OLFML2B: variants seen among roughly 807,000 people sequenced by gnomAD.
The protein encoded by OLFML2B is olfactomedin like 2B, also known as olfactomedin-like protein 2B.
Under a neutral mutation model 74.9 loss-of-function variants are expected in OLFML2B, and 57 were observed. The ratio of observed to expected loss-of-function variants is 0.76; its 90% CI spans 0.61 to 0.95. The LOEUF (loss-of-function observed/expected upper bound fraction) is 0.95, where lower values mean the gene tolerates loss of function less well. Ranked by LOEUF, OLFML2B falls within the 40% of genes least tolerant of loss-of-function variation. OLFML2B has a pLI of 0.00. For missense variants in OLFML2B, 986 were observed against 970.6 expected (o/e 1.02, Z -0.21); for synonymous variants, 388 against 405.8 (o/e 0.96, Z 0.53).
Position 162,000,245 on chromosome 1 carries a change from C to T in OLFML2B, c.817G>A (p.Val273Met). Residue 273 changes from valine (V) to methionine (M), a missense_variant, in exon 5 of 8, where the codon GTG becomes ATG. Transcript: ENST00000294794. ...QTRPLALPEV[V>M]KSQRPLQRQV... ...CTCTGCAGGGGCCGCTGTGACTTCA[C>T]CACCTCAGGCAGAGCCAGGGGTCGC... 6.2e-7 allele frequency: 1 copy of T among 1,613,870 alleles called. No individual in the cohort carries two copies. Among genetic ancestry groups the T allele is most frequent in the Non-Finnish European group, 8.5e-7 (1 of 1,180,040 alleles).
In OLFML2B at chr1:162,006,472, T is replaced by C. The variant is rs770259425; in HGVS notation, c.548A>G (p.Glu183Gly). Reference protein sequence around the residue: ...LVGRVDKLEEEVSKNLTKENE... With the variant: ...LVGRVDKLEEGVSKNLTKENE... ...TTCCTTGGTGAGGTTTTTAGACACT[T>C]CCTGAGAAGGAAAAAAAAAAGATGA... is the stretch of plus-strand genomic sequence containing the variant. The change falls in exon 4 of 8, where the codon GAA becomes GGA. Residue 183 changes from glutamate (E) to glycine (G), a missense_variant and splice_region_variant. Physicochemically the swap from Glu to Gly is moderately conservative, Grantham distance 98. Transcript: ENST00000294794. 4.1e-6 allele frequency: 6 copies of C among 1,471,566 alleles called. No individual in the cohort carries two copies. The South Asian group carries it at 6.3e-5, about 15-fold the overall frequency. 91.2% of individuals were successfully genotyped at this position (1,471,566 alleles called of 1,614,324 possible). A position where few individuals can be genotyped will look rare whatever the true frequency, so the allele number is the denominator to read the frequency against.
At chr1:161,991,093 C>T (rs139621946) in intron 6 of OLFML2B, among the ~76,000 whole-genome samples, 39 of 152,288 alleles carry the variant, frequency 2.6e-4, no homozygotes, top group African/African-American at 9.1e-4. Flanking sequence ...GACTTGAACC[C>T]CTCAAGGTTA....
At chr1:162,015,680 A>C (rs1042909958) in intron 3 of OLFML2B, among the ~76,000 whole-genome samples, 5 of 152,208 alleles carry the variant, frequency 3.3e-5, no homozygotes, top group Admixed American at 3.3e-4. Flanking sequence ...AGTGGTTTTA[A>C]CTAGGAGGAA....
At chr1:162,022,051 T>C (rs1312346153) in intron 1 of OLFML2B, among the ~76,000 whole-genome samples, 1 of 151,920 alleles carries the variant, frequency 6.6e-6, no homozygotes, top group Non-Finnish European at 1.5e-5. Context: ...TTGGTGGAGG[T>C]GAAGGTACAG....
rs1428765980 is a variant in OLFML2B, at chr1:161,983,876, A to G, written c.2052T>C (p.Tyr684=). Residue 684 remains tyrosine (Y), a synonymous_variant, in exon 8 of 8, where the codon TAT becomes TAC. Coordinates refer to ENST00000294794, the MANE Select transcript of OLFML2B (RefSeq NM_015441.3). ...TCCGCTGGTTGTAGCTATCCACGGCATACAGCACCCCACAGATGACGAAGC... is the reference window on the plus strand; with the variant it reads ...TCCGCTGGTTGTAGCTATCCACGGCGTACAGCACCCCACAGATGACGAAGC... The part of the protein sequence containing the change: ...GNCFVICGVL[Y]AVDSYNQRNA... The G allele has an allele frequency of 6.2e-7, 1 of 1,614,116 alleles. No individual in the cohort carries two copies. Among genetic ancestry groups the G allele is most frequent in the Non-Finnish European group, 8.5e-7 (1 of 1,180,054 alleles).
In OLFML2B at chr1:161,983,665, G is replaced by C. The variant is rs780295116; in HGVS notation, c.*10C>G. The C allele has an allele frequency of 1.1e-5, 17 of 1,595,382 alleles. No individual in the cohort carries two copies. In the Admixed American group the frequency reaches 2.9e-4, roughly 27 times the overall value. On this transcript the variant is annotated 3_prime_UTR_variant, in exon 8 of 8. Transcript: ENST00000294794. Reference sequence around the variant, plus strand: ...ACCCCTCTGTGCTTCTGCTTGTGGGGACAAGGGTGTCAGTAGGCAAAGATG... The same window carrying C: ...ACCCCTCTGTGCTTCTGCTTGTGGGCACAAGGGTGTCAGTAGGCAAAGATG...
chr1:161,998,475 A>T, intron 5 of OLFML2B, 126 bp from the exon 6 acceptor site: 4 of 1,049,388 alleles, frequency 3.8e-6, no homozygotes, highest in Non-Finnish European at 5.5e-6. Context: ...TGAGTTACAG[A>T]GGGGGCCTGG....
chr1:162,015,696 C>T (rs1001433121), intron 3 of OLFML2B, among the ~76,000 whole-genome samples: 2 of 152,128 alleles, frequency 1.3e-5, no homozygotes, highest in African/African-American at 4.8e-5. Flanking sequence ...AGGAAGAGTC[C>T]GAAGCCTGCA....
rs183468312 is a variant in OLFML2B, at chr1:162,005,266, A to G, written c.723+1031T>C. ...TTTTTAAGCAAGGAGGTCTTTTGGT[A>G]TCACTCAAATCACATTAGGCAGCAA... is the stretch of plus-strand genomic sequence containing the variant. On this transcript the variant is annotated intron_variant, in intron 4 of 7. Coordinates refer to ENST00000294794, the MANE Select transcript of OLFML2B (RefSeq NM_015441.3). 3.9e-5 allele frequency among the ~76,000 whole-genome samples: 6 copies of G among 152,356 alleles called. No homozygotes were observed. The East Asian group carries it at 9.6e-4, about 25-fold the overall frequency.
intron 2 of OLFML2B, among the ~76,000 whole-genome samples, chr1:162,019,453 C>T (rs957785126): frequency 3.3e-5 from 5 of 152,180 alleles, no homozygotes; most frequent in African/African-American, 1.2e-4. Context: ...AGCTTCCCTA[C>T]CCTAAGGACC....
At chr1:161,995,810 G>A (rs1032734509) in intron 6 of OLFML2B, among the ~76,000 whole-genome samples, 7 of 152,170 alleles carry the variant, frequency 4.6e-5, no homozygotes, top group African/African-American at 1.4e-4. Flanking sequence ...AATATTTGGA[G>A]GGATGTTCCC....
intron 6 of OLFML2B, among the ~76,000 whole-genome samples, chr1:161,989,490 A>G (rs1689676349): frequency 6.6e-6 from 1 of 152,140 alleles, no homozygotes; most frequent in East Asian, 1.9e-4. Context: ...CCAGCTTGAG[A>G]TCTCTTGCCC....
intron 3 of OLFML2B, among the ~76,000 whole-genome samples, chr1:162,011,878 T>C (rs944534994): frequency 6.6e-6 from 1 of 152,202 alleles, no homozygotes; most frequent in African/African-American, 2.4e-5. Flanking sequence ...AAACTGTTCC[T>C]AGGCCGACGG....
intron 1 of OLFML2B, 66 bp from the exon 2 acceptor site, chr1:162,020,248 C>G: frequency 6.3e-7 from 1 of 1,576,216 alleles, no homozygotes; most frequent in Non-Finnish European, 8.6e-7. Context: ...CAGAAGGAGG[C>G]TCTCCATTTA....
intron 6 of OLFML2B, among the ~76,000 whole-genome samples, chr1:161,994,708 C>T (rs1279040535): frequency 1.3e-5 from 2 of 152,148 alleles, no homozygotes; most frequent in Non-Finnish European, 2.9e-5. Context: ...AATATTTTTC[C>T]TCTCCCTGTC....
At position 161,984,018 on chromosome 1, in the gene OLFML2B, T is replaced by C. The variant is rs569796342; in HGVS notation, c.1910A>G (p.Asp637Gly). The stretch of plus-strand genomic sequence containing the variant: ...GACCTCCTGGCTGAAGCCCTCATCG[T>C]CCAGGGCCGGGTAGATGAGCCATAG... ...NGLWLIYPAL[D>G]DEGFSQEVIV... Residue 637 changes from aspartate to glycine, a missense_variant, in exon 8 of 8, where the codon GAC becomes GGC. Transcript: ENST00000294794. The C allele has an allele frequency of 1.2e-5, 20 of 1,614,188 alleles. No individual in the cohort carries two copies. Among genetic ancestry groups the C allele is most frequent in the East Asian group, 1.1e-4 (5 of 44,880 alleles).
At chr1:161,996,634 G>A (rs983981538) in intron 6 of OLFML2B, among the ~76,000 whole-genome samples, 4 of 152,208 alleles carry the variant, frequency 2.6e-5, no homozygotes, top group Admixed American at 2.6e-4. Context: ...CATGATCAGT[G>A]GTGATTTAAT....
In OLFML2B at chr1:161,998,203, C is replaced by G. The variant is rs550282369; in HGVS notation, c.1096G>C (p.Ala366Pro). 11 of 1,613,858 alleles carry G rather than the reference C, an allele frequency of 6.8e-6. No homozygotes were observed. The highest frequency in any genetic ancestry group is 9.3e-6 in the Non-Finnish European group (11 of 1,180,000). Reference sequence around the variant, plus strand: ...GCTGAGGACCAGGGTGCGGTCCGAGCGTTCAGGTCGCTTGTCACAGCAGTG... The same window carrying G: ...GCTGAGGACCAGGGTGCGGTCCGAGGGTTCAGGTCGCTTGTCACAGCAGTG... ...HSTAVTSDLNARTAPWSSALP... is the reference protein window; with the variant it reads ...HSTAVTSDLNPRTAPWSSALP... The change falls in exon 6 of 8, where the codon GCT becomes CCT. Residue 366 changes from alanine to proline, a missense_variant. Physicochemically the swap from Ala to Pro is conservative, Grantham distance 27. Transcript: ENST00000294794.
At position 162,023,711 on chromosome 1, in the gene OLFML2B, C is replaced by A. The variant is rs1690808924; in HGVS notation, c.-281G>T. 1 of 244,956 alleles carries A rather than the reference C, an allele frequency of 4.1e-6. No individual in the cohort carries two copies. The highest frequency in any genetic ancestry group is 2.2e-5 in the African/African-American group (1 of 44,844). The allele number at this position is 244,956 out of a possible 1,614,324, so 15.2% of individuals were successfully genotyped here. ...GAAGGTGGAGGCGGGCACGGGCTAG[C>A]TGAGCGAGTCGCCCGCAGGAGGGCT... On this transcript the variant is annotated 5_prime_UTR_variant, in exon 1 of 8. Coordinates refer to ENST00000294794, the MANE Select transcript of OLFML2B (RefSeq NM_015441.3).
Sources: gnomAD v4.1 joint callset for allele counts (sites outside exome capture counted in the v4.1 genomes callset) on GRCh38, gnomAD v4.1.1 for gene constraint, MANE v1.5 for transcripts, NCBI Gene and HGNC (gene_info 2026-07-23, HGNC 2026-07-21) for gene names.